Variants in SLC8A1 observed in about 807,000 individuals in gnomAD.
SLC8A1 encodes sodium/calcium exchanger 1.
A neutral mutation model predicts 68.3 loss-of-function variants in SLC8A1; 18 were observed. The observed-to-expected ratio is 0.26, with a 90% CI of 0.18 to 0.39. The LOEUF (loss-of-function observed/expected upper bound fraction) is 0.39, where lower values mean the gene tolerates loss of function less well. Among genes scored for constraint, SLC8A1 ranks in the 10% least tolerant of loss-of-function variants. SLC8A1 has a pLI of 1.00. For synonymous variants in SLC8A1, 475 were observed against 415.5 expected (o/e 1.14, Z -1.74); for missense variants, 985 against 1,156.7 (o/e 0.85, Z 2.15).
intron 1 of SLC8A1, among the ~76,000 whole-genome samples, chr2:40,499,604 C>T (rs992834668): frequency 6.6e-6 from 1 of 152,052 alleles, no homozygotes; most frequent in African/African-American, 2.4e-5. Flanking sequence ...GTCCTAGAGG[C>T]TGTCTGCCCA....
intron 2 of SLC8A1, among the ~76,000 whole-genome samples, chr2:40,332,621 G>T (rs889943735): frequency 6.6e-6 from 1 of 152,158 alleles, no homozygotes; most frequent in Non-Finnish European, 1.5e-5. Context: ...CTACCAAGCT[G>T]CAGAAAATAA....
At chr2:40,263,968 T>C (rs1176839261) in intron 2 of SLC8A1, among the ~76,000 whole-genome samples, 1 of 151,926 alleles carries the variant, frequency 6.6e-6, no homozygotes, top group East Asian at 1.9e-4. Context: ...AGGGCTAATA[T>C]CCAGAATCTA....
intron 1 of SLC8A1, among the ~76,000 whole-genome samples, chr2:40,487,607 A>G (rs934553459): frequency 6.6e-6 from 1 of 152,150 alleles, no homozygotes. Context: ...TAGTCGGGGG[A>G]AAAATAGTGA....
At chr2:40,290,377 G>C (rs1450274791) in intron 2 of SLC8A1, among the ~76,000 whole-genome samples, 2 of 152,118 alleles carry the variant, frequency 1.3e-5, no homozygotes, top group Non-Finnish European at 2.9e-5. Flanking sequence ...TTCGGAGATA[G>C]CATTAGATTT....
At chr2:40,287,995 A>G (rs891343544) in intron 2 of SLC8A1, among the ~76,000 whole-genome samples, 3 of 152,214 alleles carry the variant, frequency 2.0e-5, no homozygotes, top group South Asian at 2.1e-4. Context: ...TTAGTGTGAA[A>G]GCAGCTCCTG....
intron 2 of SLC8A1, among the ~76,000 whole-genome samples, chr2:40,329,496 A>G (rs945317562): frequency 6.6e-6 from 1 of 152,224 alleles, no homozygotes; most frequent in Non-Finnish European, 1.5e-5. Context: ...TAAACCTGAA[A>G]GTATTTAAGA....
exon 8 of SLC8A1, chr2:40,100,072 G>T (rs960317327): frequency 6.6e-6 from 1 of 152,216 alleles, no homozygotes; most frequent in East Asian, 1.9e-4. Context: ...TATTATTATG[G>T]CTTATTGGAA....
chr2:40,226,807 A>G (rs963128206), intron 2 of SLC8A1, among the ~76,000 whole-genome samples: 2 of 152,180 alleles, frequency 1.3e-5, no homozygotes, highest in Non-Finnish European at 2.9e-5. Context: ...TCCTGAAATT[A>G]GTTAATGGAA....
At chr2:40,333,592 A>C (rs1432541897) in intron 2 of SLC8A1, among the ~76,000 whole-genome samples, 1 of 152,138 alleles carries the variant, frequency 6.6e-6, no homozygotes, top group Non-Finnish European at 1.5e-5. Flanking sequence ...AGCTTATTCT[A>C]CTTTGTGGTA....
At chr2:40,500,977 G>T (rs114291811) in intron 1 of SLC8A1, among the ~76,000 whole-genome samples, 3,647 of 151,748 alleles carry the variant, frequency 0.024, 138 homozygotes, top group Admixed American at 0.099. Context: ...TAGTGATTTA[G>T]CTGCTGGCTA....
At chr2:40,214,510 T>A (rs991426642) in intron 2 of SLC8A1, among the ~76,000 whole-genome samples, 1 of 151,864 alleles carries the variant, frequency 6.6e-6, no homozygotes, top group Non-Finnish European at 1.5e-5. Context: ...TGGCGCAATC[T>A]TGGCTCACTG....
At chr2:40,256,569 T>C (rs887748137) in intron 2 of SLC8A1, among the ~76,000 whole-genome samples, 6 of 152,242 alleles carry the variant, frequency 3.9e-5, no homozygotes, top group African/African-American at 1.4e-4. Context: ...CTGTCTTAAA[T>C]TATTCGTTCC....
chr2:40,491,350 G>C, intron 1 of SLC8A1, among the ~76,000 whole-genome samples: 1 of 152,098 alleles, frequency 6.6e-6, no homozygotes, highest in Non-Finnish European at 1.5e-5. Flanking sequence ...CTGAGACTTT[G>C]CTGAAGTTGC....
chr2:40,443,528 C>G (rs763427805), intron 1 of SLC8A1, among the ~76,000 whole-genome samples: 1 of 152,096 alleles, frequency 6.6e-6, no homozygotes, highest in Non-Finnish European at 1.5e-5. Flanking sequence ...CTTAGATATG[C>G]TGGGGTATGA....
intron 2 of SLC8A1, among the ~76,000 whole-genome samples, chr2:40,213,913 T>G (rs1021126784): frequency 1.3e-5 from 2 of 152,226 alleles, no homozygotes; most frequent in African/African-American, 4.8e-5. Flanking sequence ...TAATCTCTGC[T>G]TTCCTAAAAG....
intron 2 of SLC8A1, among the ~76,000 whole-genome samples, chr2:40,274,559 T>C (rs2066464375): frequency 6.6e-6 from 1 of 152,168 alleles, no homozygotes; most frequent in African/African-American, 2.4e-5. Flanking sequence ...TAAATGCTCA[T>C]TAACAGACAT....
intron 1 of SLC8A1, among the ~76,000 whole-genome samples, chr2:40,492,328 T>C (rs555567871): frequency 8.8e-4 from 134 of 152,194 alleles, no homozygotes; most frequent in African/African-American, 2.8e-3. Flanking sequence ...CCTGACACCT[T>C]ATACAAAAAT....
intron 2 of SLC8A1, chr2:40,208,929 C>T (rs2056029057): frequency 1.3e-5 from 2 of 152,048 alleles, no homozygotes; most frequent in South Asian, 2.1e-4. Flanking sequence ...ATGGTTTAGT[C>T]CAGATGTCAG....
intron 2 of SLC8A1, among the ~76,000 whole-genome samples, chr2:40,326,917 G>C (rs767005611): frequency 4.6e-5 from 7 of 152,158 alleles, no homozygotes; most frequent in Admixed American, 1.3e-4. Context: ...CAAGGTCAGG[G>C]CTCATTAGTA....
Sources: allele counts gnomAD v4.1 joint callset (sites outside exome capture counted in the v4.1 genomes callset), GRCh38; gene constraint gnomAD v4.1.1; transcripts MANE v1.5; gene names NCBI Gene and HGNC (gene_info 2026-07-23, HGNC 2026-07-21).